Variants in SCD5 observed in about 807,000 individuals in gnomAD.
The protein encoded by SCD5 is acyl-CoA-desaturase 4.
In SCD5, 20 loss-of-function variants were observed where a neutral mutation model predicts 30.4. That is an observed-to-expected ratio of 0.66 (90% CI 0.46 to 0.96). The LOEUF is 0.96. Among genes scored for constraint, SCD5 ranks in the 40% least tolerant of loss-of-function variants. The pLI, the probability that SCD5 is intolerant of heterozygous loss-of-function variation, is 0.00. For synonymous variants in SCD5, 173 were observed against 176.4 expected, an observed-to-expected ratio of 0.98 and a Z score of 0.16; for missense variants, 381 against 443.3, an observed-to-expected ratio of 0.86 and a Z score of 1.26.
intron 3 of SCD5, chr4:82,660,981 G>T (rs567565579): frequency 1.8e-5 from 29 of 1,614,016 alleles, no homozygotes; most frequent in African/African-American, 2.7e-5. Context: ...ATCCGGGAAG[G>T]GTGACTTTCA....
intron 3 of SCD5, among the ~76,000 whole-genome samples, chr4:82,643,268 C>G (rs558741488): frequency 3.9e-5 from 6 of 152,164 alleles, no homozygotes; most frequent in African/African-American, 1.2e-4. Flanking sequence ...AGGTATATAT[C>G]CAAAAGAATA....
chr4:82,661,031 C>T (rs1207857239), intron 3 of SCD5: 2 of 1,614,010 alleles, frequency 1.2e-6, no homozygotes, highest in East Asian at 4.5e-5. Flanking sequence ...ATCTCACACG[C>T]TGCCTCTTGA....
At chr4:82,769,157 G>A (rs1042005609) in intron 1 of SCD5, among the ~76,000 whole-genome samples, 9 of 152,134 alleles carry the variant, frequency 5.9e-5, no homozygotes, top group African/African-American at 2.2e-4. Flanking sequence ...GGTTCTCCTT[G>A]AAGGGTCTTC....
At chr4:82,750,142 A>C (rs1314754981) in intron 1 of SCD5, among the ~76,000 whole-genome samples, 1 of 152,248 alleles carries the variant, frequency 6.6e-6, no homozygotes, top group African/African-American at 2.4e-5. Context: ...GATCGCACAC[A>C]GTCTGCCCAC....
chr4:82,787,056 C>T (rs902578218), intron 1 of SCD5, among the ~76,000 whole-genome samples: 3 of 152,154 alleles, frequency 2.0e-5, no homozygotes, highest in African/African-American at 7.2e-5. Flanking sequence ...GATCTTTGTT[C>T]CTAGATTGTT....
chr4:82,790,677 A>G (rs1722081592), intron 1 of SCD5, among the ~76,000 whole-genome samples: 1 of 152,216 alleles, frequency 6.6e-6, no homozygotes, highest in African/African-American at 2.4e-5. Context: ...TGTAAGTGCA[A>G]TGAAGTCAAG....
intron 1 of SCD5, among the ~76,000 whole-genome samples, chr4:82,742,544 T>A (rs528741280): frequency 1.7e-4 from 26 of 152,290 alleles, no homozygotes. Context: ...CCCAGCACTT[T>A]GGGAGGCCGA....
At position 82,772,601 on chromosome 4, in the gene SCD5, A is replaced by C. The variant is rs559241157; in HGVS notation, c.232+25705T>G. On this transcript the variant is annotated intron_variant, in intron 1 of 4. Coordinates refer to ENST00000319540, the MANE Select transcript of SCD5 (RefSeq NM_001037582.3). Reference sequence around the variant, plus strand: ...TGGATGGTCTAGGATGGCCTCATACATGTCTAGTCTCAGCAGGGATGGCTG... The same window carrying C: ...TGGATGGTCTAGGATGGCCTCATACCTGTCTAGTCTCAGCAGGGATGGCTG... Among the ~76,000 whole-genome samples the C allele has an allele frequency of 1.2e-4, 19 of 152,276 alleles. No individual in the cohort carries two copies. In the South Asian group the frequency reaches 3.9e-3, roughly 32 times the overall value.
chr4:82,635,653 C>T (rs1727412104), intron 4 of SCD5, among the ~76,000 whole-genome samples: 1 of 146,158 alleles, frequency 6.8e-6, no homozygotes, highest in Middle Eastern at 3.6e-3. Flanking sequence ...ATCACGAAGG[C>T]TTGTTTCATA....
intron 1 of SCD5, among the ~76,000 whole-genome samples, chr4:82,744,961 G>T (rs991872487): frequency 1.3e-5 from 2 of 152,104 alleles, no homozygotes; most frequent in Non-Finnish European, 2.9e-5. Flanking sequence ...CTTTTCTGTA[G>T]AAAGATACGT....
intron 3 of SCD5, among the ~76,000 whole-genome samples, chr4:82,668,933 A>T (rs1728247289): frequency 6.6e-6 from 1 of 152,224 alleles, no homozygotes; most frequent in African/African-American, 2.4e-5. Flanking sequence ...AAATACAGAT[A>T]ACCAACCAAG....
chr4:82,736,161 G>A (rs1720745846), intron 1 of SCD5, among the ~76,000 whole-genome samples: 1 of 151,924 alleles, frequency 6.6e-6, no homozygotes, highest in Admixed American at 6.6e-5. Context: ...GGTGGCATGT[G>A]CCTGTAGTCC....
At chr4:82,753,824 G>A (rs1398967940) in intron 1 of SCD5, among the ~76,000 whole-genome samples, 1 of 152,126 alleles carries the variant, frequency 6.6e-6, no homozygotes, top group African/African-American at 2.4e-5. Flanking sequence ...AACTGAGAGG[G>A]ATTAAAAGGC....
chr4:82,749,417 G>A (rs1721056531), intron 1 of SCD5, among the ~76,000 whole-genome samples: 1 of 152,140 alleles, frequency 6.6e-6, no homozygotes, highest in Admixed American at 6.5e-5. Context: ...AGGCCAGCTA[G>A]GCTTCTCTTA....
At chr4:82,780,002 C>T (rs1461981273) in intron 1 of SCD5, among the ~76,000 whole-genome samples, 2 of 152,216 alleles carry the variant, frequency 1.3e-5, no homozygotes, top group African/African-American at 4.8e-5. Context: ...TTCCTAACTA[C>T]AGCAAGGATA....
chr4:82,694,138 T>C (rs1306562307), intron 2 of SCD5, among the ~76,000 whole-genome samples: 1 of 152,224 alleles, frequency 6.6e-6, no homozygotes, highest in Non-Finnish European at 1.5e-5. Flanking sequence ...CACCCAGGCA[T>C]GTTGGGTCCC....
intron 1 of SCD5, among the ~76,000 whole-genome samples, chr4:82,755,623 G>C (rs1319687352): frequency 2.0e-5 from 3 of 152,224 alleles, no homozygotes; most frequent in South Asian, 2.1e-4. Flanking sequence ...AGGCAGAAAA[G>C]AAGGCAGCAT....
chr4:82,758,219 T>G (rs1721271998), intron 1 of SCD5, among the ~76,000 whole-genome samples: 1 of 152,058 alleles, frequency 6.6e-6, no homozygotes, highest in African/African-American at 2.4e-5. Context: ...TCCCAACACT[T>G]TGGGAGGCCA....
At chr4:82,719,854 T>C (rs1192189366) in intron 1 of SCD5, among the ~76,000 whole-genome samples, 1 of 151,408 alleles carries the variant, frequency 6.6e-6, no homozygotes, top group Non-Finnish European at 1.5e-5. Context: ...CAGGCTGGAG[T>C]GCAGGGGTGC....
Sources: allele counts gnomAD v4.1 joint callset (sites outside exome capture counted in the v4.1 genomes callset), GRCh38; gene constraint gnomAD v4.1.1; transcripts MANE v1.5; gene names NCBI Gene and HGNC (gene_info 2026-07-23, HGNC 2026-07-21).